Variants in CYP4F22 observed in about 807,000 individuals in gnomAD.
The protein encoded by CYP4F22 is ultra-long-chain fatty acid omega-hydroxylase.
A neutral mutation model predicts 60.4 loss-of-function variants in CYP4F22; 37 were observed. That is an observed-to-expected ratio of 0.61 (90% CI 0.47 to 0.81). The LOEUF (loss-of-function observed/expected upper bound fraction) is 0.81. Ranked by LOEUF, CYP4F22 falls within the 30% of genes least tolerant of loss-of-function variation. CYP4F22 has a pLI of 0.00. For synonymous variants in CYP4F22, 258 were observed against 280.5 expected (o/e 0.92, Z 0.80); for missense variants, 655 against 715.0 (o/e 0.92, Z 0.96).
intron 10 of CYP4F22, among the ~76,000 whole-genome samples, chr19:15,547,469 G>T (rs952498243): frequency 3.9e-5 from 6 of 152,144 alleles, no homozygotes; most frequent in Non-Finnish European, 8.8e-5. Context: ...GCTGGGCCCA[G>T]CAGAGGGCCC....
chr19:15,547,018 G>GTGTTTTTTTT (rs1971533660), intron 10 of CYP4F22, among the ~76,000 whole-genome samples: 2 of 82,330 alleles, frequency 2.4e-5, no homozygotes, highest in Non-Finnish European at 4.1e-5. Context: ...GCCTGCACCA[G>GTGTTTTTTTT]TTTTTTTTTT....
intron 1 of CYP4F22, among the ~76,000 whole-genome samples, chr19:15,522,133 G>A (rs1438604177): frequency 2.3e-5 from 3 of 129,348 alleles, no homozygotes; most frequent in Non-Finnish European, 3.2e-5. Context: ...CAACAAAAGC[G>A]AAACTTTGTC....
intron 1 of CYP4F22, among the ~76,000 whole-genome samples, chr19:15,520,551 C>G (rs529831398): frequency 6.6e-6 from 1 of 151,584 alleles, no homozygotes; most frequent in African/African-American, 2.4e-5. Context: ...GCTTTCCATA[C>G]GGACCACACA....
chr19:15,545,051 A>G (rs1348455173), intron 10 of CYP4F22, among the ~76,000 whole-genome samples: 1 of 152,056 alleles, frequency 6.6e-6, no homozygotes, highest in African/African-American at 2.4e-5. Flanking sequence ...ACAAGAGTGA[A>G]ACTCTGTCCC....
intron 4 of CYP4F22, among the ~76,000 whole-genome samples, chr19:15,537,144 C>G (rs570545727): frequency 6.6e-6 from 1 of 152,154 alleles, no homozygotes; most frequent in African/African-American, 2.4e-5. Context: ...GCTAAAAATA[C>G]AAACAAATTA....
Position 15,545,861 on chromosome 19 carries a change from G to A in CYP4F22, c.1136+1582G>A, listed in dbSNP as rs116113731. 5.7e-3 allele frequency among the ~76,000 whole-genome samples: 861 copies of A among 152,162 alleles called. 11 individuals are homozygous for A. The highest frequency in any genetic ancestry group is 0.02 in the African/African-American group (815 of 41,524). Reference sequence around the variant, plus strand: ...TTCCTTTTAAACAAGTGGAGAAGATGTCTCAGGTTGAGAGAGTTGGGTGGG... The same window carrying A: ...TTCCTTTTAAACAAGTGGAGAAGATATCTCAGGTTGAGAGAGTTGGGTGGG... On this transcript the variant is annotated intron_variant, in intron 10 of 13. Coordinates refer to ENST00000269703, the MANE Select transcript of CYP4F22 (RefSeq NM_173483.4).
chr19:15,545,857 A>C (rs1568363311), intron 10 of CYP4F22, among the ~76,000 whole-genome samples: 1 of 152,030 alleles, frequency 6.6e-6, no homozygotes, highest in South Asian at 2.1e-4. Flanking sequence ...CAAGTGGAGA[A>C]GATGTCTCAG....
At chr19:15,543,877 AG>A in intron 8 of CYP4F22, 93 bp from the exon 9 acceptor site, 4 of 1,202,834 alleles carry the variant, frequency 3.3e-6, no homozygotes, top group Non-Finnish European at 3.5e-6. Context: ...AAAAAAAAAA[AG>A]ATGGGGGCGG....
At chr19:15,521,294 C>G (rs570615281) in intron 1 of CYP4F22, among the ~76,000 whole-genome samples, 1 of 140,168 alleles carries the variant, frequency 7.1e-6, no homozygotes, top group African/African-American at 2.7e-5. Context: ...TGCAGTGGTT[C>G]GATCTCAGCT....
At position 15,537,026 on chromosome 19, in the gene CYP4F22, C is replaced by T. The variant is rs544332784; in HGVS notation, c.368-335C>T. 6.6e-5 allele frequency among the ~76,000 whole-genome samples: 10 copies of T among 152,240 alleles called. No individual in the cohort carries two copies. The South Asian group carries it at 1.7e-3, about 25-fold the overall frequency. Reference sequence around the variant, plus strand: ...TGGAACTCTGTTTTGAGGCCAGGCACGATGGCTCGTGCTTGTAATCCCAGC... The same window carrying T: ...TGGAACTCTGTTTTGAGGCCAGGCATGATGGCTCGTGCTTGTAATCCCAGC... On this transcript the variant is annotated intron_variant, in intron 4 of 13. Coordinates refer to ENST00000269703, the MANE Select transcript of CYP4F22 (RefSeq NM_173483.4).
intron 10 of CYP4F22, among the ~76,000 whole-genome samples, chr19:15,547,237 C>A (rs1473848139): frequency 6.6e-6 from 1 of 151,704 alleles, no homozygotes; most frequent in East Asian, 2.0e-4. Flanking sequence ...GTTGGCCAGA[C>A]TGATCTTGAA....
chr19:15,550,651 A>C (rs1421311913), intron 12 of CYP4F22, 23 bp from the exon 13 acceptor site: 10 of 1,613,646 alleles, frequency 6.2e-6, no homozygotes, highest in Non-Finnish European at 7.6e-6. Flanking sequence ...CCCCAGACTC[A>C]TCTCCAGGCT....
rs1451191116 is a variant in CYP4F22 at position 15,540,556 on chromosome 19, G to C, written c.778G>C (p.Asp260His). The change falls in exon 8 of 14, where the codon GAT (aspartate) becomes CAT (histidine). Residue 260 changes from aspartate to histidine, a missense_variant. Asp to His is a moderately conservative substitution (Grantham distance 81). Around this residue, in one of 3 missense-constraint regions of CYP4F22, gnomAD observed 430 missense variants for 457.1 expected, o/e 0.94. Coordinates refer to ENST00000269703, the MANE Select transcript of CYP4F22 (RefSeq NM_173483.4). ...YLDFIYYRSA[D>H]GRRFRQACDM... is the part of the protein sequence containing the mutation. ...CGACTTCATTTACTACCGCTCGGCG[G>C]ATGGGCGGAGGTTCCGGCAGGCCTG... 3 of 1,614,108 alleles carry C rather than the reference G, an allele frequency of 1.9e-6. No individual in the cohort carries two copies. Among genetic ancestry groups the C allele is most frequent in the Non-Finnish European group, 2.5e-6 (3 of 1,180,052 alleles).
chr19:15,536,780 G>A (rs1215294521), intron 4 of CYP4F22, among the ~76,000 whole-genome samples: 1 of 152,190 alleles, frequency 6.6e-6, no homozygotes, highest in Non-Finnish European at 1.5e-5. Flanking sequence ...AGGCATACAG[G>A]GGCCAGATGG....
intron 1 of CYP4F22, among the ~76,000 whole-genome samples, chr19:15,510,966 A>ATTTT (rs1555726127): frequency 8.3e-4 from 86 of 103,298 alleles, no homozygotes; most frequent in East Asian, 2.2e-3. Flanking sequence ...ATATATATAT[A>ATTTT]TTTTTTTTTT....
chr19:15,522,589 T>C (rs1413667550), intron 1 of CYP4F22, among the ~76,000 whole-genome samples: 1 of 152,166 alleles, frequency 6.6e-6, no homozygotes, highest in Admixed American at 6.5e-5. Context: ...GGTGGGAGGA[T>C]TGCTTCAGCC....
rs1380468237 is a variant in CYP4F22, at chr19:15,540,697, G to A, written c.919G>A (p.Asp307Asn). ...AKQGKTLDFIDVLLLARDEDG... is the reference protein window; with the variant it reads ...AKQGKTLDFINVLLLARDEDG... Reference sequence around the variant, plus strand: ...GCAGGGGAAGACCTTGGACTTTATTGATGTGCTGCTCCTGGCCAGGGTGAG... The same window carrying A: ...GCAGGGGAAGACCTTGGACTTTATTAATGTGCTGCTCCTGGCCAGGGTGAG... The change falls in exon 8 of 14, where the codon GAT becomes AAT. Residue 307 changes from aspartate to asparagine, a missense_variant. Asp to Asn is a conservative substitution (Grantham distance 23). Transcript: ENST00000269703. 2.5e-6 allele frequency: 4 copies of A among 1,612,788 alleles called. No homozygotes were observed. Among genetic ancestry groups the A allele is most frequent in the Non-Finnish European group, 3.4e-6 (4 of 1,179,794 alleles).
chr19:15,519,508 C>T (rs968461218), intron 1 of CYP4F22, among the ~76,000 whole-genome samples: 1 of 152,120 alleles, frequency 6.6e-6, no homozygotes, highest in African/African-American at 2.4e-5. Context: ...AGTGATCCAC[C>T]CGCCTTGGCC....
intron 10 of CYP4F22, among the ~76,000 whole-genome samples, chr19:15,545,306 T>C (rs532581483): frequency 1.3e-5 from 2 of 152,148 alleles, no homozygotes; most frequent in East Asian, 3.9e-4. Flanking sequence ...ATACCCAGTC[T>C]CTACCAGATT....
Sources: allele counts gnomAD v4.1 joint callset (sites outside exome capture counted in the v4.1 genomes callset), GRCh38; gene constraint gnomAD v4.1.1; regional missense constraint gnomAD v4.1.1; transcripts MANE v1.5; gene names NCBI Gene and HGNC (gene_info 2026-07-23, HGNC 2026-07-21).